The following RAE1 variants were observed in gnomAD, a reference collection of about 807,000 sequenced individuals.
RAE1 encodes mRNA export factor RAE1.
In RAE1, 13 loss-of-function variants were observed where a neutral mutation model predicts 52.7. The ratio of observed to expected loss-of-function variants is 0.25; its 90% CI spans 0.16 to 0.39. The LOEUF is 0.39. RAE1 is among the 10% of genes least tolerant of loss of function. The pLI, the probability that RAE1 is intolerant of heterozygous loss-of-function variation, is 1.00. For synonymous variants in RAE1, 164 were observed against 153.1 expected (o/e 1.07, Z -0.52); for missense variants, 262 against 459.8 (o/e 0.57, Z 3.93).
At chr20:57,363,661 C>T (rs2066918118) in intron 4 of RAE1, among the ~76,000 whole-genome samples, 2 of 151,906 alleles carry the variant, frequency 1.3e-5, no homozygotes, top group Non-Finnish European at 2.9e-5. Flanking sequence ...AGAGCAAGAC[C>T]GTGTCTCTAA....
intron 1 of RAE1, chr20:57,351,690 C>T (rs1210025620): frequency 3.0e-6 from 3 of 985,342 alleles, no homozygotes; most frequent in Non-Finnish European, 3.6e-6. Context: ...CGCCTCTGTC[C>T]CTCCCCCTTA....
intron 8 of RAE1, chr20:57,371,981 T>G (rs2067042233): frequency 6.6e-6 from 1 of 152,024 alleles, no homozygotes; most frequent in South Asian, 2.1e-4. Context: ...CTCACAGAAG[T>G]AAAGGGTGGA....
At position 57,365,457 on chromosome 20, in the gene RAE1, T is replaced by C. The variant is rs111590976; in HGVS notation, c.375+15T>C. On this transcript the variant is annotated intron_variant, in intron 5 of 11. Transcript: ENST00000395841. ...AGATCGCACAGGTAACAGAAGCCTC[T>C]GCAGAAAGGCTAGGCACAACTGGTA... 6.4e-7 allele frequency: 1 copy of C among 1,570,494 alleles called. No individual in the cohort carries two copies.
rs1384868563 is a variant in RAE1 at position 57,374,619 on chromosome 20, G to A, written c.838G>A (p.Ala280Thr). The A allele has an allele frequency of 9.9e-6, 16 of 1,612,326 alleles. No homozygotes were observed. Among genetic ancestry groups the A allele is most frequent in the African/African-American group, 5.3e-5 (4 of 74,830 alleles). The change falls in exon 11 of 12, where the codon GCG becomes ACG. Residue 280 changes from alanine (A) to threonine (T), a missense_variant. By Grantham distance (58) the Ala-to-Thr change is moderately conservative (BLOSUM62 0). Transcript: ENST00000395841. ...PQDIYAVNGI[A>T]FHPVHGTLAT... ...TCAATCCTTGCAGGTAAATGGAATC[G>A]CGTTCCATCCTGTTCATGGCACCCT... is the stretch of plus-strand genomic sequence containing the variant.
At chr20:57,370,619 C>T (rs2067022689) in intron 8 of RAE1, among the ~76,000 whole-genome samples, 1 of 152,206 alleles carries the variant, frequency 6.6e-6, no homozygotes, top group South Asian at 2.1e-4. Context: ...CACACCAAAC[C>T]CAAGACTACA....
chr20:57,351,616 T>G (rs2066710221), intron 1 of RAE1, 194 bp downstream of exon 1: 1 of 985,544 alleles, frequency 1.0e-6, no homozygotes, highest in Non-Finnish European at 1.2e-6. Flanking sequence ...GCCTAATCCA[T>G]CGTTTCTCTT....
At chr20:57,373,227 G>C in intron 8 of RAE1, 1 of 514,424 alleles carries the variant, frequency 1.9e-6, no homozygotes, top group Non-Finnish European at 3.5e-6. Context: ...CGGCCTTGCA[G>C]GGTGGCAGAG....
intron 4 of RAE1, among the ~76,000 whole-genome samples, chr20:57,361,088 G>GAGAAAGAAAGAA (rs111818954): frequency 5.9e-5 from 9 of 151,468 alleles, no homozygotes; most frequent in African/African-American, 1.5e-4. Flanking sequence ...ATTAAAGTAT[G>GAGAAAGAAAGAA]AGAAAGAAAG....
chr20:57,373,385 T>A, intron 8 of RAE1, 90 bp from the exon 9 acceptor site: 2 of 1,310,298 alleles, frequency 1.5e-6, no homozygotes, highest in Non-Finnish European at 2.2e-6. Flanking sequence ...TTCTAAAACC[T>A]AAACATGGGG....
chr20:57,366,477 G>A (rs983775933), intron 5 of RAE1, among the ~76,000 whole-genome samples: 2 of 152,142 alleles, frequency 1.3e-5, no homozygotes, highest in African/African-American at 2.4e-5. Flanking sequence ...TGGGAGAGAG[G>A]AGGTGCCATA....
intron 1 of RAE1, among the ~76,000 whole-genome samples, chr20:57,353,531 T>G (rs1363402500): frequency 1.3e-5 from 2 of 152,248 alleles, no homozygotes; most frequent in African/African-American, 4.8e-5. Flanking sequence ...CCGGACTGGT[T>G]GTTCTAGGTA....
At position 57,351,864 on chromosome 20, in the gene RAE1, C is replaced by T. The variant is rs868340272; in HGVS notation, c.-8+442C>T. The T allele has an allele frequency of 6.0e-5, 59 of 985,294 alleles. No homozygotes were observed. In the African/African-American group the frequency reaches 9.6e-4, roughly 16 times the overall value. The allele number at this position is 985,294 out of a possible 1,614,324, so 61.0% of individuals were successfully genotyped here. ...CTAAGTCTGTTTCTGTCTTAGCCCG[C>T]CAAGTATTTATTGTATACGTATATA... On this transcript the variant is annotated intron_variant, in intron 1 of 11. Transcript: ENST00000395841.
intron 2 of RAE1, among the ~76,000 whole-genome samples, chr20:57,354,340 A>T: frequency 6.6e-6 from 1 of 152,234 alleles, no homozygotes; most frequent in Non-Finnish European, 1.5e-5. Flanking sequence ...AGAATCACCC[A>T]AGGTGCAGAT....
chr20:57,376,916 C>T (rs1287825148), intron 11 of RAE1, among the ~76,000 whole-genome samples: 1 of 152,184 alleles, frequency 6.6e-6, no homozygotes, highest in African/African-American at 2.4e-5. Flanking sequence ...GAAGTAAAAT[C>T]TCATTCATTT....
intron 5 of RAE1, among the ~76,000 whole-genome samples, chr20:57,366,282 C>T (rs745825532): frequency 6.6e-6 from 1 of 152,104 alleles, no homozygotes; most frequent in Non-Finnish European, 1.5e-5. Flanking sequence ...GTGTATTAGT[C>T]CCTTCCTGCA....
rs752508133 is a variant in RAE1, at chr20:57,351,692, T to TCC, written c.-8+274_-8+275dup. On this transcript the variant is annotated intron_variant, in intron 1 of 11. Coordinates refer to ENST00000395841, the MANE Select transcript of RAE1 (RefSeq NM_003610.4). ...ATGCAGTGTGTGTCGCCTCTGTCCC[T>TCC]CCCCCTTACACGTCTGGCGTCTCGT... is the stretch of plus-strand genomic sequence containing the variant. 1.3e-5 allele frequency: 13 copies of TCC among 985,278 alleles called. No homozygotes were observed. The South Asian group carries it at 5.2e-4, about 39-fold the overall frequency. 61.0% of individuals were successfully genotyped at this position (985,278 alleles called of 1,614,324 possible).
At chr20:57,357,836 C>G (rs1317692667) in intron 4 of RAE1, 1 of 152,122 alleles carries the variant, frequency 6.6e-6, no homozygotes, top group Non-Finnish European at 1.5e-5. Flanking sequence ...CATATTATGG[C>G]TAGGGGCCAT....
rs533789224 is a variant in RAE1 at position 57,352,061 on chromosome 20, A to C, written c.-8+639A>C. On this transcript the variant is annotated intron_variant, in intron 1 of 11. Coordinates refer to ENST00000395841, the MANE Select transcript of RAE1 (RefSeq NM_003610.4). The stretch of plus-strand genomic sequence containing the variant: ...GGAAGAGATTTTGAGTGTAAACAAG[A>C]AATTCCAGGGGATGTGATGGAAGAT... 2.3e-5 allele frequency: 19 copies of C among 831,114 alleles called. No homozygotes were observed. The African/African-American group carries it at 3.5e-4, about 15-fold the overall frequency. The allele number at this position is 831,114 out of a possible 1,614,324, so 51.5% of individuals were successfully genotyped here.
At chr20:57,367,774 G>A (rs986117081) in intron 7 of RAE1, among the ~76,000 whole-genome samples, 1 of 149,856 alleles carries the variant, frequency 6.7e-6, no homozygotes, top group Non-Finnish European at 1.5e-5. Flanking sequence ...AAAAAGAAAT[G>A]GAACTTTCTC....
Sources: allele counts gnomAD v4.1 joint callset (sites outside exome capture counted in the v4.1 genomes callset), GRCh38; gene constraint gnomAD v4.1.1; transcripts MANE v1.5; gene names NCBI Gene and HGNC (gene_info 2026-07-23, HGNC 2026-07-21).